VANGL2: variants seen among roughly 807,000 people sequenced by gnomAD.
The protein encoded by VANGL2 is vang-like protein 2.
VANGL2 carries 14 observed loss-of-function variants against 50.2 expected under a neutral mutation model. The observed-to-expected ratio is 0.28, with a 90% CI of 0.18 to 0.44. The LOEUF is 0.44. VANGL2 is among the 20% of genes least tolerant of loss of function. The pLI is 1.00. For missense variants in VANGL2, 533 were observed against 701.5 expected, an observed-to-expected ratio of 0.76 and a Z score of 2.71; for synonymous variants, 295 against 297.2, an observed-to-expected ratio of 0.99 and a Z score of 0.08.
chr1:160,427,203 C>T lies in VANGL2; in HGVS notation c.*1825C>T, dbSNP rs1290875829. 1 of 152,682 alleles carries T rather than the reference C, an allele frequency of 6.5e-6. No homozygotes were observed. The highest frequency in any genetic ancestry group is 1.5e-5 in the Non-Finnish European group (1 of 68,100). The allele number at this position is 152,682 out of a possible 1,614,324, so 9.5% of individuals were successfully genotyped here. A position where few individuals can be genotyped will look rare whatever the true frequency, so the allele number is the denominator to read the frequency against. On this transcript the variant is annotated 3_prime_UTR_variant, in exon 8 of 8. Coordinates refer to ENST00000368061, the MANE Select transcript of VANGL2 (RefSeq NM_020335.3). ...TTTCTTCTCTTCAAAAACTTTGTGTCAGAGAGTCCCTTCTGAGTCACATAA... is the reference window on the plus strand; with the variant it reads ...TTTCTTCTCTTCAAAAACTTTGTGTTAGAGAGTCCCTTCTGAGTCACATAA...
At chr1:160,416,235 A>T in intron 3 of VANGL2, 53 bp downstream of exon 3, 1 of 1,612,444 alleles carries the variant, frequency 6.2e-7, no homozygotes, top group Non-Finnish European at 8.5e-7. Context: ...ACTGCTCCTG[A>T]GGGGCTGGAG....
rs112160063 is a variant in VANGL2 at position 160,427,554 on chromosome 1, C to CATTATTATTATTATTATT, written c.*2190_*2207dup. On this transcript the variant is annotated 3_prime_UTR_variant, in exon 8 of 8. Transcript: ENST00000368061. ...GAACTGTGGTATCTTTGTCTTTTTT[C>CATTATTATTATTATTATT]ATTATTATTATTATTATTATTATTA... The CATTATTATTATTATTATT allele has an allele frequency of 2.0e-5, 3 of 146,504 alleles. No homozygotes were observed. Among genetic ancestry groups the CATTATTATTATTATTATT allele is most frequent in the African/African-American group, 5.0e-5 (2 of 39,838 alleles). 9.1% of individuals were successfully genotyped at this position (146,504 alleles called of 1,614,324 possible).
At position 160,425,486 on chromosome 1, in the gene VANGL2, C is replaced by T. The variant is rs1213134403; in HGVS notation, c.*108C>T. The stretch of plus-strand genomic sequence containing the variant: ...TCCTGCCACCCTTCTTCTTCTTGCT[C>T]TTTTTTTTTTACTTGAATTAACGCA... On this transcript the variant is annotated 3_prime_UTR_variant, in exon 8 of 8. Coordinates refer to ENST00000368061, the MANE Select transcript of VANGL2 (RefSeq NM_020335.3). The T allele has an allele frequency of 6.4e-6, 5 of 782,910 alleles. No individual in the cohort carries two copies. Among genetic ancestry groups the T allele is most frequent in the Admixed American group, 6.8e-5 (2 of 29,390 alleles). 48.5% of individuals were successfully genotyped at this position (782,910 alleles called of 1,614,324 possible). A position where few individuals can be genotyped will look rare whatever the true frequency, so the allele number is the denominator to read the frequency against.
rs546717456 is a variant in VANGL2 at position 160,419,901 on chromosome 1, TG to T, written c.800+299del. Among the ~76,000 whole-genome samples the T allele has an allele frequency of 1.6e-5, 2 of 123,010 alleles. No homozygotes were observed. Among genetic ancestry groups the T allele is most frequent in the African/African-American group, 3.1e-5 (1 of 32,110 alleles). The allele number at this position is 123,010 out of a possible 152,430, so 80.7% of individuals were successfully genotyped here. Reference sequence around the variant, plus strand: ...GGGGATGGACCAAAGGGAAGAAATATGGGGGGGTGCACAAACAGGGGCTTTT... The same window carrying T: ...GGGGATGGACCAAAGGGAAGAAATATGGGGGGTGCACAAACAGGGGCTTTT... On this transcript the variant is annotated intron_variant, in intron 4 of 7. Coordinates refer to ENST00000368061, the MANE Select transcript of VANGL2 (RefSeq NM_020335.3). The surrounding 1 kb of genome is among the most constrained non-coding windows in gnomAD (Gnocchi z 5.8).
intron 1 of VANGL2, among the ~76,000 whole-genome samples, chr1:160,404,626 A>G (rs112787841): frequency 4.9e-4 from 75 of 152,166 alleles, no homozygotes; most frequent in African/African-American, 1.7e-3. Context: ...GGATGTACCT[A>G]TTCTGGATAT....
rs748589024 is a variant in VANGL2, at chr1:160,425,170, A to T, written c.1358A>T (p.Glu453Val). ...AAGPTIQYHK[E>V]RWLAKQWTLV... The stretch of plus-strand genomic sequence containing the variant: ...GGACCTACCATCCAGTACCACAAGG[A>T]ACGCTGGCTGGCCAAACAGTGGACA... The change falls in exon 8 of 8, where the codon GAA becomes GTA. Residue 453 changes from glutamate (E) to valine (V), a missense_variant. Coordinates refer to ENST00000368061, the MANE Select transcript of VANGL2 (RefSeq NM_020335.3). The T allele has an allele frequency of 1.9e-6, 3 of 1,614,168 alleles. No individual in the cohort carries two copies. Among genetic ancestry groups the T allele is most frequent in the Non-Finnish European group, 2.5e-6 (3 of 1,180,032 alleles).
chr1:160,421,779 A>G (rs923555104), intron 6 of VANGL2, among the ~76,000 whole-genome samples: 1 of 152,184 alleles, frequency 6.6e-6, no homozygotes, highest in Non-Finnish European at 1.5e-5. Flanking sequence ...TGCCTGCCAC[A>G]GTGGGGTAGG....
chr1:160,416,208 A>G (rs1245020926), intron 3 of VANGL2, 26 bp downstream of exon 3: 1 of 1,613,670 alleles, frequency 6.2e-7, no homozygotes, highest in Non-Finnish European at 8.5e-7. Flanking sequence ...GCGGTGGTCC[A>G]GACCGGGCAT....
intron 4 of VANGL2, among the ~76,000 whole-genome samples, chr1:160,420,076 G>A (rs539089641): frequency 7.2e-5 from 11 of 152,146 alleles, no homozygotes; most frequent in South Asian, 2.1e-4. Context: ...GCTACCCCTC[G>A]AGGCCACACA....
chr1:160,422,842 G>A (rs904704149), intron 6 of VANGL2, among the ~76,000 whole-genome samples: 3 of 151,420 alleles, frequency 2.0e-5, no homozygotes, highest in Non-Finnish European at 2.9e-5. Flanking sequence ...ATGTATCCTT[G>A]TGCAAAGTTA....
chr1:160,420,646 C>T (rs1275397118), intron 5 of VANGL2, 99 bp downstream of exon 5: 1 of 1,578,206 alleles, frequency 6.3e-7, no homozygotes, highest in Non-Finnish European at 8.7e-7. Context: ...TTTTCCTTTC[C>T]TTAGCCCATG....
At chr1:160,402,475 G>A (rs375417718) in intron 1 of VANGL2, among the ~76,000 whole-genome samples, 82 of 152,280 alleles carry the variant, frequency 5.4e-4, no homozygotes, top group African/African-American at 1.8e-3. Context: ...ATGTCTGGAG[G>A]GTTGAGACCT....
In VANGL2 at chr1:160,428,477, GGGTT is replaced by G. The variant is rs1651550630; in HGVS notation, c.*3100_*3103del. 1 of 151,712 alleles carries G rather than the reference GGGTT, an allele frequency of 6.6e-6. No individual in the cohort carries two copies. Among genetic ancestry groups the G allele is most frequent in the Non-Finnish European group, 1.5e-5 (1 of 67,880 alleles). The allele number at this position is 151,712 out of a possible 1,614,324, so 9.4% of individuals were successfully genotyped here. A position where few individuals can be genotyped will look rare whatever the true frequency, so the allele number is the denominator to read the frequency against. Reference sequence around the variant, plus strand: ...TTTTTTCCTTTTTTTTGGGGGGGTGGGGTTACAGAGCTGAGACCTTGTGCATGCA... The same window carrying G: ...TTTTTTCCTTTTTTTTGGGGGGGTGGACAGAGCTGAGACCTTGTGCATGCA... On this transcript the variant is annotated 3_prime_UTR_variant, in exon 8 of 8. Coordinates refer to ENST00000368061, the MANE Select transcript of VANGL2 (RefSeq NM_020335.3).
Position 160,419,373 on chromosome 1 carries a change from G to C in VANGL2, c.564G>C (p.Leu188=), listed in dbSNP as rs777749244. Reference sequence around the variant, plus strand: ...TGCTGCGTGCCCTGCTTATGGTGCTGGTTTTCCTGCTCGTGGTCTCCTACT... The same window carrying C: ...TGCTGCGTGCCCTGCTTATGGTGCTCGTTTTCCTGCTCGTGGTCTCCTACT... ...VFVLRALLMV[L]VFLLVVSYWL... is the part of the protein sequence containing the mutation. Residue 188 remains leucine (L), a synonymous_variant, in exon 4 of 8, where the codon CTG becomes CTC. Coordinates refer to ENST00000368061, the MANE Select transcript of VANGL2 (RefSeq NM_020335.3). The surrounding 1 kb of genome is among the most constrained non-coding windows in gnomAD (Gnocchi z 5.8). The C allele has an allele frequency of 6.2e-7, 1 of 1,612,374 alleles. No homozygotes were observed. Among genetic ancestry groups the C allele is most frequent in the Non-Finnish European group, 8.5e-7 (1 of 1,180,014 alleles).
rs1208762558 is a variant in VANGL2 at position 160,426,494 on chromosome 1, C to T, written c.*1116C>T. Reference sequence around the variant, plus strand: ...CGTTTCCTTGGCCTTCCAGGGTCCCCACCCCTTTTCTCCCTGCCTGATTCT... The same window carrying T: ...CGTTTCCTTGGCCTTCCAGGGTCCCTACCCCTTTTCTCCCTGCCTGATTCT... On this transcript the variant is annotated 3_prime_UTR_variant, in exon 8 of 8. Coordinates refer to ENST00000368061, the MANE Select transcript of VANGL2 (RefSeq NM_020335.3). 1.3e-5 allele frequency: 2 copies of T among 153,140 alleles called. No individual in the cohort carries two copies. The highest frequency in any genetic ancestry group is 2.4e-5 in the African/African-American group (1 of 41,430). The allele number at this position is 153,140 out of a possible 1,614,324, so 9.5% of individuals were successfully genotyped here.
At chr1:160,423,808 T>C (rs1651353331) in intron 6 of VANGL2, among the ~76,000 whole-genome samples, 2 of 152,270 alleles carry the variant, frequency 1.3e-5, no homozygotes, top group Admixed American at 1.3e-4. Flanking sequence ...GCATAGTTCC[T>C]AGTTGTCTCT....
Position 160,424,047 on chromosome 1 carries a change from C to G in VANGL2, c.1074-5C>G. ...CATCTGGCCCAGTCCCCTCCTGTCC[C>G]CTAGGCTTGTAGTGGCGGTGGAGGA... On this transcript the variant is annotated splice_region_variant and splice_polypyrimidine_tract_variant and intron_variant, in intron 6 of 7. Transcript: ENST00000368061. The G allele has an allele frequency of 6.2e-7, 1 of 1,613,948 alleles. No individual in the cohort carries two copies. The highest frequency in any genetic ancestry group is 8.5e-7 in the Non-Finnish European group (1 of 1,179,884).
chr1:160,420,556 C>A lies in VANGL2; in HGVS notation c.937+9C>A, dbSNP rs770609524. 4.3e-6 allele frequency: 7 copies of A among 1,614,166 alleles called. No individual in the cohort carries two copies. The highest frequency in any genetic ancestry group is 5.1e-6 in the Non-Finnish European group (6 of 1,180,044). On this transcript the variant is annotated intron_variant, in intron 5 of 7. Coordinates refer to ENST00000368061, the MANE Select transcript of VANGL2 (RefSeq NM_020335.3). ...GTATTCCCTCGGAGAGGGTGAGCAG[C>A]CCTGCTCCTCTGCCCTTCCCTGTCT...
At position 160,411,039 on chromosome 1, in the gene VANGL2, C is replaced by A. The variant is rs549237151; in HGVS notation, c.-190-4609C>A. Among the ~76,000 whole-genome samples, 10 of 152,026 alleles carry A rather than the reference C, an allele frequency of 6.6e-5. No individual in the cohort carries two copies. In the South Asian group the frequency reaches 8.3e-4, roughly 13 times the overall value. On this transcript the variant is annotated intron_variant, in intron 1 of 7. Transcript: ENST00000368061. ...ACATTCCCCCCTGCCAAGCTCCCCC[C>A]CAATCCCCTTGGGATGATACTGAGA...
Sources: allele counts gnomAD v4.1 joint callset (sites outside exome capture counted in the v4.1 genomes callset), GRCh38; gene constraint gnomAD v4.1.1; non-coding constraint Gnocchi (gnomAD v3.1); transcripts MANE v1.5; gene names NCBI Gene and HGNC (gene_info 2026-07-23, HGNC 2026-07-21).